Variants in MCPH1 observed in about 807,000 individuals in gnomAD.
The protein encoded by MCPH1 is microcephalin.
In MCPH1, 104 loss-of-function variants were observed where a neutral mutation model predicts 84.5. The ratio of observed to expected loss-of-function variants is 1.23; its 90% confidence interval spans 1.05 to 1.45. MCPH1 has a LOEUF of 1.45. Ranked by LOEUF, MCPH1 falls within the 40% of genes most tolerant of loss-of-function variation. The pLI is 0.00. For missense variants in MCPH1, 1,498 were observed against 1,005.7 expected, an observed-to-expected ratio of 1.49 and a Z score of -6.62; for synonymous variants, 514 against 366.8, an observed-to-expected ratio of 1.40 and a Z score of -4.58.
chr8:6,577,519 A>G (rs761681347), intron 12 of MCPH1, among the ~76,000 whole-genome samples: 9 of 152,252 alleles, frequency 5.9e-5, no homozygotes, highest in Non-Finnish European at 1.2e-4. Flanking sequence ...TCAAGATTAT[A>G]TGCACGTATT....
rs778704096 is a variant in MCPH1 at position 6,646,753 on chromosome 8, C to G, written c.*3704C>G. On this transcript the variant is annotated 3_prime_UTR_variant, in exon 14 of 14. Coordinates refer to ENST00000344683, the MANE Select transcript of MCPH1 (RefSeq NM_024596.5). ...AGTGGCATCCCTCCCCTGACACACA[C>G]CTAGTTTTGACAATCTCTGTCTCCA... 1 of 152,214 alleles carries G rather than the reference C, an allele frequency of 6.6e-6. No individual in the cohort carries two copies. Among genetic ancestry groups the G allele is most frequent in the Non-Finnish European group, 1.5e-5 (1 of 68,046 alleles). 9.4% of individuals were successfully genotyped at this position (152,214 alleles called of 1,614,324 possible). A position where few individuals can be genotyped will look rare whatever the true frequency, so the allele number is the denominator to read the frequency against.
At chr8:6,526,257 TA>T (rs35519559) in intron 12 of MCPH1, among the ~76,000 whole-genome samples, 15,175 of 76,560 alleles carry the variant, frequency 0.2, 1,255 homozygotes, top group Middle Eastern at 0.3. Context: ...TTGCCTCTAC[TA>T]AAAAAAAAAA....
intron 13 of MCPH1, chr8:6,625,290 C>T: frequency 1.0e-6 from 1 of 985,424 alleles, no homozygotes; most frequent in Non-Finnish European, 1.2e-6. Flanking sequence ...GCGCAAATGC[C>T]CTGTGGCAGG....
At position 6,411,213 on chromosome 8, in the gene MCPH1, A is replaced by C. The variant is rs193254856; in HGVS notation, c.114+1843A>C. 8.0e-3 allele frequency among the ~76,000 whole-genome samples: 1,214 copies of C among 152,282 alleles called. 10 individuals are homozygous for C. Among genetic ancestry groups the C allele is most frequent in the Non-Finnish European group, 0.013 (861 of 68,036 alleles). ...AGAGTTGGTGGTTGCAGCCTGTTTGAACTGTACGGGTGCTGCCCCAAGTTC... is the reference window on the plus strand; with the variant it reads ...AGAGTTGGTGGTTGCAGCCTGTTTGCACTGTACGGGTGCTGCCCCAAGTTC... On this transcript the variant is annotated intron_variant, in intron 2 of 13. Coordinates refer to ENST00000344683, the MANE Select transcript of MCPH1 (RefSeq NM_024596.5).
chr8:6,526,173 A>G (rs534584213), intron 12 of MCPH1, among the ~76,000 whole-genome samples: 1 of 149,466 alleles, frequency 6.7e-6, no homozygotes, highest in African/African-American at 2.5e-5. Flanking sequence ...TAATCCCAGC[A>G]CTTTAGGATG....
chr8:6,492,087 C>T (rs1010317538), intron 11 of MCPH1, among the ~76,000 whole-genome samples: 1 of 152,146 alleles, frequency 6.6e-6, no homozygotes, highest in African/African-American at 2.4e-5. Context: ...GTTTACAGTC[C>T]CACTAGCAAT....
At chr8:6,555,700 C>T (rs1242775395) in intron 12 of MCPH1, among the ~76,000 whole-genome samples, 3 of 151,950 alleles carry the variant, frequency 2.0e-5, no homozygotes, top group East Asian at 3.9e-4. Flanking sequence ...TGAGCTCAAG[C>T]GACCCACCCG....
Position 6,558,229 on chromosome 8 carries a change from T to TA in MCPH1, c.2214+58307dup, listed in dbSNP as rs527554426. On this transcript the variant is annotated intron_variant, in intron 12 of 13. Coordinates refer to ENST00000344683, the MANE Select transcript of MCPH1 (RefSeq NM_024596.5). ...TTTGGCATTTTAAATAAAGGGCTGG[T>TA]AAAAAAATCTCTGAGTGCTAATCTC... Among the ~76,000 whole-genome samples the TA allele has an allele frequency of 2.0e-3, 312 of 152,264 alleles. 1 individual carries two copies. Among genetic ancestry groups the TA allele is most frequent in the African/African-American group, 7.0e-3 (290 of 41,554 alleles).
At chr8:6,605,468 C>T (rs1446779515) in intron 12 of MCPH1, among the ~76,000 whole-genome samples, 2 of 152,162 alleles carry the variant, frequency 1.3e-5, no homozygotes, top group Non-Finnish European at 2.9e-5. Flanking sequence ...GACTCCGCAG[C>T]AAATAAATCA....
At position 6,643,055 on chromosome 8, in the gene MCPH1, A is replaced by G. The variant is rs1390798216; in HGVS notation, c.*6A>G. The G allele has an allele frequency of 5.6e-6, 9 of 1,613,052 alleles. No homozygotes were observed. The highest frequency in any genetic ancestry group is 5.9e-6 in the Non-Finnish European group (7 of 1,179,104). On this transcript the variant is annotated 3_prime_UTR_variant, in exon 14 of 14. Coordinates refer to ENST00000344683, the MANE Select transcript of MCPH1 (RefSeq NM_024596.5). ...ACTACCTATTGTCACAATGACAGTG[A>G]CCTCACTGGCCTGTGGTGACTGCAC...
chr8:6,609,828 C>CCCCCCA (rs1475345162), intron 12 of MCPH1, among the ~76,000 whole-genome samples: 2,487 of 107,474 alleles, frequency 0.023, 79 homozygotes, highest in Middle Eastern at 0.049. Flanking sequence ...CGCCCCCCCC[C>CCCCCCA]CACACACAGA....
At chr8:6,491,160 T>TA (rs1810523782) in intron 11 of MCPH1, among the ~76,000 whole-genome samples, 1 of 151,566 alleles carries the variant, frequency 6.6e-6, no homozygotes, top group Admixed American at 6.6e-5. Context: ...ATACATTTCT[T>TA]AAAATCTCTC....
chr8:6,500,477 G>A (rs1165301003), intron 12 of MCPH1: 1 of 153,386 alleles, frequency 6.5e-6, no homozygotes, highest in Non-Finnish European at 1.4e-5. Context: ...GTTCAAAAAT[G>A]TTAATTTGTT....
intron 1 of MCPH1, among the ~76,000 whole-genome samples, chr8:6,408,170 C>T (rs972183414): frequency 1.3e-5 from 2 of 152,184 alleles, no homozygotes; most frequent in Admixed American, 1.3e-4. Flanking sequence ...TGTATGGGTA[C>T]AGTTGTTCTT....
Position 6,480,757 on chromosome 8 carries a change from T to A in MCPH1, c.2017T>A (p.Phe673Ile). Residue 673 changes from phenylalanine (F) to isoleucine (I), a missense_variant, in exon 11 of 14, where the codon TTT becomes ATT. Coordinates refer to ENST00000344683, the MANE Select transcript of MCPH1 (RefSeq NM_024596.5). ...VIQVVDKLKGFSIAPDVCETT... is the reference protein window; with the variant it reads ...VIQVVDKLKGISIAPDVCETT... ...CCAGGTTGTGGATAAATTGAAAGGC[T>A]TTTCAATTGCACCAGACGTCTGTGA... 3 of 1,614,116 alleles carry A rather than the reference T, an allele frequency of 1.9e-6. No individual in the cohort carries two copies. Among genetic ancestry groups the A allele is most frequent in the Non-Finnish European group, 2.5e-6 (3 of 1,179,970 alleles).
intron 13 of MCPH1, among the ~76,000 whole-genome samples, chr8:6,632,789 A>G (rs1428175322): frequency 6.6e-6 from 1 of 151,874 alleles, no homozygotes; most frequent in Non-Finnish European, 1.5e-5. Flanking sequence ...AGCCTAGGCA[A>G]CAGAGTGAGA....
At chr8:6,641,925 G>C (rs191533445) in intron 13 of MCPH1, among the ~76,000 whole-genome samples, 213 of 152,046 alleles carry the variant, frequency 1.4e-3, no homozygotes, top group African/African-American at 4.8e-3. Context: ...ATTCATCTGA[G>C]GGTCCCTCAC....
chr8:6,408,748 A>C (rs887086884), intron 1 of MCPH1, among the ~76,000 whole-genome samples: 11 of 152,006 alleles, frequency 7.2e-5, no homozygotes, highest in Non-Finnish European at 1.5e-4. Flanking sequence ...TTTTTTTTAG[A>C]GACAGGGTTT....
chr8:6,570,555 C>T (rs969450777), intron 12 of MCPH1, among the ~76,000 whole-genome samples: 9 of 152,228 alleles, frequency 5.9e-5, no homozygotes, highest in Non-Finnish European at 5.9e-5. Flanking sequence ...CAGCCAAGGC[C>T]TTATCTGGGA....
Sources: allele counts gnomAD v4.1 joint callset (sites outside exome capture counted in the v4.1 genomes callset), GRCh38; gene constraint gnomAD v4.1.1; transcripts MANE v1.5; gene names NCBI Gene and HGNC (gene_info 2026-07-23, HGNC 2026-07-21).